Variants in RAPGEF6 observed in about 807,000 individuals in gnomAD.
The protein encoded by RAPGEF6 is PDZ domain containing guanine nucleotide exchange factor (GEF) 2.
RAPGEF6 carries 56 observed loss-of-function variants against 171.4 expected under a neutral mutation model. That is an observed-to-expected ratio of 0.33 (90% CI 0.26 to 0.41). RAPGEF6 has a LOEUF of 0.41. RAPGEF6 is among the 10% of genes least tolerant of loss of function. The probability of loss-of-function intolerance (pLI) is 1.00; values close to 1 mark genes in which losing one functional copy is unlikely to be tolerated. For missense variants in RAPGEF6, 1,674 were observed against 1,921.4 expected (o/e 0.87, Z 2.41); for synonymous variants, 692 against 650.1 (o/e 1.06, Z -0.98).
chr5:131,507,192 T>A (rs923534862), intron 9 of RAPGEF6, among the ~76,000 whole-genome samples: 27 of 130,274 alleles, frequency 2.1e-4, no homozygotes, highest in African/African-American at 7.2e-4. Flanking sequence ...ATATATAGTA[T>A]GAAATTATGT....
At chr5:131,557,875 T>A (rs1241589495) in intron 5 of RAPGEF6, among the ~76,000 whole-genome samples, 1 of 152,198 alleles carries the variant, frequency 6.6e-6, no homozygotes, top group Non-Finnish European at 1.5e-5. Flanking sequence ...TGTTGTTTTA[T>A]CCTCTGTATG....
chr5:131,563,785 G>A (rs1442207564), intron 4 of RAPGEF6, among the ~76,000 whole-genome samples: 7 of 152,116 alleles, frequency 4.6e-5, no homozygotes, highest in South Asian at 2.1e-4. Flanking sequence ...GATTACAGGC[G>A]TGAGCCACTG....
intron 6 of RAPGEF6, among the ~76,000 whole-genome samples, chr5:131,528,220 A>G (rs1474367438): frequency 7.9e-6 from 1 of 125,992 alleles, no homozygotes; most frequent in Non-Finnish European, 1.6e-5. Context: ...TAAATAAAAT[A>G]AAATAATATA....
In RAPGEF6 at chr5:131,634,998, C is replaced by A. The variant is rs1017987139; in HGVS notation, c.33G>T (p.Gln11His). The change falls in exon 1 of 28, where the codon CAG becomes CAT. Residue 11 changes from glutamine to histidine, a missense_variant. This residue lies in a region of RAPGEF6 where 1,116 missense variants were observed against 1,321.5 expected (regional missense o/e 0.84). Coordinates refer to ENST00000509018, the MANE Select transcript of RAPGEF6 (RefSeq NM_016340.6). ...GCTCGGGTGGCTTCTTCCTCAACGC[C>A]TGCCTAGCGCCAGGGTCCACGGGTG... MNSPVDPGAR[Q>H]ALRKKPPERT... 4 of 1,613,844 alleles carry A rather than the reference C, an allele frequency of 2.5e-6. No homozygotes were observed. Among genetic ancestry groups the A allele is most frequent in the Non-Finnish European group, 3.4e-6 (4 of 1,179,850 alleles).
At chr5:131,468,744 G>A (rs1286925882) in intron 17 of RAPGEF6, among the ~76,000 whole-genome samples, 1 of 152,164 alleles carries the variant, frequency 6.6e-6, no homozygotes, top group African/African-American at 2.4e-5. Flanking sequence ...TTACATTCAA[G>A]TGAGTAAACA....
chr5:131,545,816 T>C (rs1261766528), intron 6 of RAPGEF6, among the ~76,000 whole-genome samples: 1 of 152,220 alleles, frequency 6.6e-6, no homozygotes, highest in Non-Finnish European at 1.5e-5. Context: ...AGTTAATAAA[T>C]CAGTTTTGTC....
At chr5:131,617,075 A>G (rs911211916) in intron 1 of RAPGEF6, among the ~76,000 whole-genome samples, 1 of 152,232 alleles carries the variant, frequency 6.6e-6, no homozygotes, top group East Asian at 1.9e-4. Flanking sequence ...TCATACATAC[A>G]TTCTGCAGCT....
At chr5:131,503,802 TAC>T (rs1561517221) in intron 11 of RAPGEF6, among the ~76,000 whole-genome samples, 4 of 152,202 alleles carry the variant, frequency 2.6e-5, no homozygotes, top group African/African-American at 9.6e-5. Flanking sequence ...TGGGGGTTAA[TAC>T]TCAGACTCTA....
Position 131,475,362 on chromosome 5 carries a change from C to T in RAPGEF6, c.2082-2618G>A, listed in dbSNP as rs146541557. 7.4e-3 allele frequency among the ~76,000 whole-genome samples: 1,129 copies of T among 152,144 alleles called. 14 individuals carry two copies. Among genetic ancestry groups the T allele is most frequent in the African/African-American group, 0.026 (1,097 of 41,474 alleles). On this transcript the variant is annotated intron_variant, in intron 16 of 27. Coordinates refer to ENST00000509018, the MANE Select transcript of RAPGEF6 (RefSeq NM_016340.6). ...GTTTAAAAATATTCCTCAATACTTC[C>T]CCAACACTAAATTTACTTAGGATAA... is the stretch of plus-strand genomic sequence containing the variant.
intron 4 of RAPGEF6, among the ~76,000 whole-genome samples, chr5:131,577,623 AT>A (rs1193826938): frequency 1.3e-5 from 2 of 152,052 alleles, no homozygotes; most frequent in Non-Finnish European, 2.9e-5. Flanking sequence ...TAAGAATCTG[AT>A]CCCTCAAACT....
chr5:131,439,518 A>T, intron 24 of RAPGEF6, 63 bp downstream of exon 24: 1 of 1,506,178 alleles, frequency 6.6e-7, no homozygotes, highest in Non-Finnish European at 8.9e-7. Context: ...ATTGAAAAGC[A>T]AAATATGTGC....
chr5:131,566,968 C>T (rs2149974384), intron 4 of RAPGEF6, among the ~76,000 whole-genome samples: 1 of 151,844 alleles, frequency 6.6e-6, no homozygotes, highest in South Asian at 2.1e-4. Context: ...GTGGTATGCA[C>T]CTGTAATCTT....
chr5:131,487,867 G>A (rs1756025539), intron 15 of RAPGEF6, among the ~76,000 whole-genome samples: 2 of 152,030 alleles, frequency 1.3e-5, no homozygotes, highest in South Asian at 4.2e-4. Flanking sequence ...CTTTATTAGG[G>A]GCATCACCAC....
chr5:131,493,961 T>C (rs903018624), intron 13 of RAPGEF6, among the ~76,000 whole-genome samples: 10 of 152,198 alleles, frequency 6.6e-5, no homozygotes, highest in South Asian at 2.1e-4. Flanking sequence ...GAGAAGTCAA[T>C]AGGAACCAAG....
intron 7 of RAPGEF6, among the ~76,000 whole-genome samples, chr5:131,515,688 T>C (rs1264149719): frequency 6.6e-6 from 1 of 152,170 alleles, no homozygotes; most frequent in African/African-American, 2.4e-5. Flanking sequence ...CATTTCTTCT[T>C]GTTGGAAAGA....
At chr5:131,456,342 A>C (rs11242078) in intron 19 of RAPGEF6, among the ~76,000 whole-genome samples, 33,900 of 152,088 alleles carry the variant, frequency 0.22, 4,086 homozygotes, top group East Asian at 0.49. Flanking sequence ...TGTTTTACTT[A>C]GAAATAACTT....
chr5:131,527,744 G>A (rs539696056), intron 6 of RAPGEF6, among the ~76,000 whole-genome samples: 10 of 151,988 alleles, frequency 6.6e-5, no homozygotes, highest in African/African-American at 1.2e-4. Flanking sequence ...GGCCAGGCGC[G>A]ATGGCTCACG....
chr5:131,495,510 G>T, intron 13 of RAPGEF6, 43 bp downstream of exon 13: 1 of 1,477,204 alleles, frequency 6.8e-7, no homozygotes, highest in African/African-American at 1.4e-5. Flanking sequence ...TGTTGAGGGG[G>T]GACCACTACA....
chr5:131,633,823 G>A (rs1368064785), intron 1 of RAPGEF6, among the ~76,000 whole-genome samples: 1 of 152,216 alleles, frequency 6.6e-6, no homozygotes, highest in East Asian at 1.9e-4. Context: ...TATAAAGGCT[G>A]TAAGATAATT....
Sources: gnomAD v4.1 joint callset for allele counts (sites outside exome capture counted in the v4.1 genomes callset) on GRCh38, gnomAD v4.1.1 for gene constraint, gnomAD v4.1.1 regional missense constraint, MANE v1.5 for transcripts, NCBI Gene and HGNC (gene_info 2026-07-23, HGNC 2026-07-21) for gene names.